Variants in WWP1 observed in about 807,000 individuals in gnomAD.
WWP1 encodes the protein NEDD4-like E3 ubiquitin-protein ligase WWP1.
In WWP1, 49 loss-of-function variants were observed where a neutral mutation model predicts 130.6. The observed-to-expected ratio is 0.38, with a 90% CI of 0.30 to 0.48. WWP1 has a LOEUF of 0.48. Ranked by LOEUF, WWP1 falls within the 20% of genes least tolerant of loss-of-function variation. The probability of loss-of-function intolerance (pLI) is 0.99; values close to 1 mark genes in which losing one functional copy is unlikely to be tolerated. For missense variants in WWP1, 809 were observed against 1,100.6 expected, an observed-to-expected ratio of 0.74 and a Z score of 3.75; for synonymous variants, 332 against 367.8, an observed-to-expected ratio of 0.90 and a Z score of 1.11.
At chr8:86,456,386 A>T (rs1563549754) in intron 21 of WWP1, among the ~76,000 whole-genome samples, 1 of 152,072 alleles carries the variant, frequency 6.6e-6, no homozygotes, top group East Asian at 1.9e-4. Flanking sequence ...TAACAAAAAA[A>T]CTCACGTAAC....
At chr8:86,421,719 G>A (rs563906923) in intron 9 of WWP1, among the ~76,000 whole-genome samples, 302 of 152,168 alleles carry the variant, frequency 2.0e-3, no homozygotes, top group African/African-American at 6.9e-3. Context: ...AGCTACTTGG[G>A]AGGCTGAGAC....
chr8:86,434,877 C>T (rs1185235195), intron 14 of WWP1, among the ~76,000 whole-genome samples: 1 of 152,122 alleles, frequency 6.6e-6, no homozygotes, highest in African/African-American at 2.4e-5. Context: ...CCTGTCAGGC[C>T]CTCAATCAAT....
At chr8:86,464,565 G>C (rs1172871017) in intron 24 of WWP1, among the ~76,000 whole-genome samples, 1 of 151,526 alleles carries the variant, frequency 6.6e-6, no homozygotes, top group South Asian at 2.1e-4. Context: ...ACCTATGTTA[G>C]AGTGCAGTGG....
intron 3 of WWP1, among the ~76,000 whole-genome samples, chr8:86,377,760 G>A (rs779234278): frequency 5.5e-4 from 83 of 152,280 alleles, no homozygotes; most frequent in Admixed American, 2.2e-3. Flanking sequence ...ACTGTCAGAA[G>A]CATAGAGTAT....
intron 9 of WWP1, among the ~76,000 whole-genome samples, chr8:86,415,545 CAAAG>C (rs543365903): frequency 1.6e-3 from 248 of 152,126 alleles, no homozygotes; most frequent in African/African-American, 5.7e-3. Context: ...ATAAAGATGA[CAAAG>C]AAAGAAAAAC....
intron 14 of WWP1, among the ~76,000 whole-genome samples, chr8:86,434,274 G>A (rs954668284): frequency 6.6e-6 from 1 of 152,190 alleles, no homozygotes; most frequent in Non-Finnish European, 1.5e-5. Flanking sequence ...AGCCTAAATG[G>A]CCTTACAGGA....
chr8:86,424,757 A>G (rs1809504137), intron 9 of WWP1, among the ~76,000 whole-genome samples: 1 of 148,008 alleles, frequency 6.8e-6, no homozygotes, highest in African/African-American at 2.5e-5. Context: ...TGGCAGCGGT[A>G]CAGTCCAGCT....
rs918392444 is a variant in WWP1 at position 86,389,921 on chromosome 8, G to A, written c.334+8292G>A. 4.7e-5 allele frequency among the ~76,000 whole-genome samples: 7 copies of A among 150,398 alleles called. No homozygotes were observed. In the East Asian group the frequency reaches 6.1e-4, roughly 13 times the overall value. On this transcript the variant is annotated intron_variant, in intron 5 of 24. Coordinates refer to ENST00000517970, the MANE Select transcript of WWP1 (RefSeq NM_007013.4). ...GACGGGGCGGCTGCCGGGCGGAGAC[G>A]CTCCTCACTTCCCGGACGGGGCGGC...
At chr8:86,415,689 A>T (rs952528392) in intron 9 of WWP1, among the ~76,000 whole-genome samples, 17 of 152,310 alleles carry the variant, frequency 1.1e-4, no homozygotes, top group Admixed American at 5.9e-4. Context: ...TCAATATTCT[A>T]ATTTTTTCTA....
chr8:86,435,192 C>T (rs1206774895), intron 14 of WWP1, among the ~76,000 whole-genome samples: 1 of 152,154 alleles, frequency 6.6e-6, no homozygotes, highest in African/African-American at 2.4e-5. Flanking sequence ...CTGTAGTAGA[C>T]TTTGATATTT....
At chr8:86,391,614 G>A (rs1419179837) in intron 5 of WWP1, among the ~76,000 whole-genome samples, 1 of 151,960 alleles carries the variant, frequency 6.6e-6, no homozygotes, top group Non-Finnish European at 1.5e-5. Context: ...ATAAGGAAGA[G>A]ATTCCAGCAT....
chr8:86,350,072 G>A (rs564832482), intron 1 of WWP1, among the ~76,000 whole-genome samples: 2 of 152,218 alleles, frequency 1.3e-5, no homozygotes, highest in East Asian at 1.9e-4. Context: ...CCTTGGAGAG[G>A]TGTCATTATA....
At chr8:86,418,397 A>G (rs1344342048) in intron 9 of WWP1, among the ~76,000 whole-genome samples, 1 of 152,174 alleles carries the variant, frequency 6.6e-6, no homozygotes, top group Admixed American at 6.5e-5. Flanking sequence ...GTTTCTGAGC[A>G]TCAAGAATCA....
At chr8:86,375,494 C>A (rs11787318) in intron 3 of WWP1, among the ~76,000 whole-genome samples, 40,988 of 152,016 alleles carry the variant, frequency 0.27, 6,734 homozygotes, top group East Asian at 0.41. Context: ...TAAGCAGATA[C>A]ATGTGCAGTA....
chr8:86,410,836 C>A (rs1212747910), intron 8 of WWP1, among the ~76,000 whole-genome samples: 1 of 150,928 alleles, frequency 6.6e-6, no homozygotes, highest in Non-Finnish European at 1.5e-5. Context: ...GTCATTAATT[C>A]TCCTAAAATT....
intron 5 of WWP1, among the ~76,000 whole-genome samples, chr8:86,392,802 A>G (rs1249917143): frequency 6.6e-6 from 1 of 152,226 alleles, no homozygotes; most frequent in Non-Finnish European, 1.5e-5. Context: ...GCTTTGAATA[A>G]ACAGTATTTT....
At chr8:86,377,806 G>A (rs1824756937) in intron 3 of WWP1, among the ~76,000 whole-genome samples, 1 of 152,062 alleles carries the variant, frequency 6.6e-6, no homozygotes, top group Admixed American at 6.5e-5. Context: ...AAGAAAAAAT[G>A]GGCTGTTGTA....
At chr8:86,355,637 T>C (rs2130147627) in intron 1 of WWP1, among the ~76,000 whole-genome samples, 1 of 152,318 alleles carries the variant, frequency 6.6e-6, no homozygotes, top group African/African-American at 2.4e-5. Context: ...GTGGAAATTA[T>C]GTGTTAAACA....
At chr8:86,415,719 G>A (rs545582968) in intron 9 of WWP1, among the ~76,000 whole-genome samples, 3 of 152,088 alleles carry the variant, frequency 2.0e-5, no homozygotes, top group African/African-American at 4.8e-5. Flanking sequence ...AATTTTCCCT[G>A]CTGTAGAACT....
Sources: allele counts gnomAD v4.1 joint callset (sites outside exome capture counted in the v4.1 genomes callset), GRCh38; gene constraint gnomAD v4.1.1; transcripts MANE v1.5; gene names NCBI Gene and HGNC (gene_info 2026-07-23, HGNC 2026-07-21).